The following ERBB4 variants were observed in gnomAD, a reference collection of about 807,000 sequenced individuals.
ERBB4 encodes receptor tyrosine-protein kinase erbB-4.
A neutral mutation model predicts 158.0 loss-of-function variants in ERBB4; 42 were observed. The ratio of observed to expected loss-of-function variants is 0.27; its 90% CI spans 0.21 to 0.34. The LOEUF (loss-of-function observed/expected upper bound fraction) is 0.34, where lower values mean the gene tolerates loss of function less well. ERBB4 is among the 10% of genes least tolerant of loss of function. The probability of loss-of-function intolerance (pLI) is 1.00; values close to 1 mark genes in which losing one functional copy is unlikely to be tolerated. For synonymous variants in ERBB4, 583 were observed against 558.7 expected (o/e 1.04, Z -0.61); for missense variants, 1,333 against 1,624.1 (o/e 0.82, Z 3.08).
chr2:211,657,269 G>A (rs955021547), intron 16 of ERBB4, among the ~76,000 whole-genome samples: 2 of 152,082 alleles, frequency 1.3e-5, no homozygotes, highest in Non-Finnish European at 2.9e-5. Context: ...AGTACTTTGG[G>A]AGGCCGAGGC....
At chr2:212,510,994 A>G (rs1691487450) in intron 1 of ERBB4, among the ~76,000 whole-genome samples, 1 of 152,156 alleles carries the variant, frequency 6.6e-6, no homozygotes, top group Non-Finnish European at 1.5e-5. Context: ...TATGACCCCA[A>G]AAATGGAATG....
chr2:211,858,658 C>G (rs2077933959), intron 3 of ERBB4, among the ~76,000 whole-genome samples: 1 of 152,004 alleles, frequency 6.6e-6, no homozygotes, highest in African/African-American at 2.4e-5. Flanking sequence ...ATAACAAAAA[C>G]CTAGTTGTAA....
At chr2:211,959,497 A>T (rs1031578173) in intron 2 of ERBB4, among the ~76,000 whole-genome samples, 4 of 151,990 alleles carry the variant, frequency 2.6e-5, no homozygotes, top group Non-Finnish European at 4.4e-5. Context: ...GGAAAAAAAA[A>T]TGCATTTTTC....
At chr2:211,485,520 T>G (rs13021324) in intron 20 of ERBB4, among the ~76,000 whole-genome samples, 1 of 151,946 alleles carries the variant, frequency 6.6e-6, no homozygotes, top group East Asian at 1.9e-4. Flanking sequence ...CAAGACCAAA[T>G]CAAATTCTCA....
intron 20 of ERBB4, among the ~76,000 whole-genome samples, chr2:211,553,595 G>A (rs1355394574): frequency 6.6e-6 from 1 of 152,072 alleles, no homozygotes; most frequent in Admixed American, 6.5e-5. Flanking sequence ...ATAACACATA[G>A]TTTACATTCT....
intron 3 of ERBB4, among the ~76,000 whole-genome samples, chr2:211,790,408 C>T (rs1405531298): frequency 6.6e-6 from 1 of 151,754 alleles, no homozygotes; most frequent in African/African-American, 2.4e-5. Flanking sequence ...ATAGTTCATA[C>T]AAAGGAACAC....
At chr2:212,349,605 T>C (rs538928734) in intron 1 of ERBB4, among the ~76,000 whole-genome samples, 1 of 152,284 alleles carries the variant, frequency 6.6e-6, no homozygotes, top group Non-Finnish European at 1.5e-5. Context: ...ATTCTTTTAG[T>C]ATTTCCTTAG....
intron 2 of ERBB4, among the ~76,000 whole-genome samples, chr2:212,052,639 T>C (rs1055885049): frequency 2.6e-5 from 4 of 152,180 alleles, no homozygotes; most frequent in Non-Finnish European, 5.9e-5. Flanking sequence ...AACACAGAAA[T>C]GGACCCTTTT....
At chr2:211,926,848 T>C (rs1468311982) in intron 3 of ERBB4, among the ~76,000 whole-genome samples, 4 of 152,130 alleles carry the variant, frequency 2.6e-5, no homozygotes. Context: ...ACCAGATATT[T>C]CCTAACTTAC....
At chr2:211,606,495 G>A (rs1222403958) in intron 19 of ERBB4, among the ~76,000 whole-genome samples, 1 of 151,774 alleles carries the variant, frequency 6.6e-6, no homozygotes, top group African/African-American at 2.4e-5. Flanking sequence ...GAATTACCAA[G>A]TAGAAGAGTG....
At chr2:212,063,357 T>C (rs923975932) in intron 2 of ERBB4, among the ~76,000 whole-genome samples, 1 of 152,126 alleles carries the variant, frequency 6.6e-6, no homozygotes, top group African/African-American at 2.4e-5. Context: ...CTGTATGATA[T>C]TTAACAGATT....
chr2:212,219,331 A>G (rs1009123875), intron 1 of ERBB4, among the ~76,000 whole-genome samples: 7 of 151,486 alleles, frequency 4.6e-5, no homozygotes, highest in Non-Finnish European at 8.9e-5. Context: ...ATAGCAATCA[A>G]TAAATAGGTG....
intron 13 of ERBB4, among the ~76,000 whole-genome samples, chr2:211,674,053 C>G (rs2071958501): frequency 6.6e-6 from 1 of 151,970 alleles, no homozygotes; most frequent in African/African-American, 2.4e-5. Context: ...ATTTTACAAT[C>G]AATGTCTATG....
intron 3 of ERBB4, among the ~76,000 whole-genome samples, chr2:211,853,739 T>C (rs981359941): frequency 6.6e-6 from 1 of 152,120 alleles, no homozygotes; most frequent in African/African-American, 2.4e-5. Context: ...TGTGTTTTTT[T>C]CTATTTAGGA....
chr2:212,308,666 A>G (rs1574649428), intron 1 of ERBB4, among the ~76,000 whole-genome samples: 1 of 151,066 alleles, frequency 6.6e-6, no homozygotes, highest in African/African-American at 2.4e-5. Context: ...GATCACTAGA[A>G]AAAAGGCTGT....
chr2:211,482,906 A>G (rs1477250490), intron 20 of ERBB4, among the ~76,000 whole-genome samples: 1 of 152,184 alleles, frequency 6.6e-6, no homozygotes, highest in African/African-American at 2.4e-5. Context: ...ACTGTCTCAA[A>G]AAATAAATAA....
chr2:212,274,270 C>T (rs1446339654), intron 1 of ERBB4, among the ~76,000 whole-genome samples: 1 of 151,854 alleles, frequency 6.6e-6, no homozygotes, highest in East Asian at 1.9e-4. Context: ...TAAGACATTT[C>T]TCTCCTTCTT....
intron 3 of ERBB4, among the ~76,000 whole-genome samples, chr2:211,861,109 A>ATATAT (rs1553648392): frequency 2.7e-5 from 1 of 36,710 alleles, no homozygotes; most frequent in East Asian, 1.1e-3. Context: ...CATTATATAT[A>ATATAT]TTTATATATA....
intron 1 of ERBB4, among the ~76,000 whole-genome samples, chr2:212,382,225 A>G (rs1218125942): frequency 1.3e-5 from 2 of 149,730 alleles, no homozygotes; most frequent in Non-Finnish European, 3.0e-5. Flanking sequence ...ATATACACAC[A>G]TACATATATA....
Sources: allele counts gnomAD v4.1 joint callset (sites outside exome capture counted in the v4.1 genomes callset), GRCh38; gene constraint gnomAD v4.1.1; transcripts MANE v1.5; gene names NCBI Gene and HGNC (gene_info 2026-07-23, HGNC 2026-07-21).